TUBGCP5: variants seen among roughly 807,000 people sequenced by gnomAD.
The protein encoded by TUBGCP5 is tubulin gamma complex component 5.
In TUBGCP5, 98 loss-of-function variants were observed where a neutral mutation model predicts 134.7. That is an observed-to-expected ratio of 0.73 (90% confidence interval 0.62 to 0.86). The LOEUF (loss-of-function observed/expected upper bound fraction) is 0.86, where lower values mean the gene tolerates loss of function less well. TUBGCP5 is among the 40% of genes least tolerant of loss of function. TUBGCP5 has a pLI of 0.00. For synonymous variants in TUBGCP5, 456 were observed against 431.4 expected (o/e 1.06, Z -0.71); for missense variants, 1,150 against 1,244.8 (o/e 0.92, Z 1.15).
intron 6 of TUBGCP5, 92 bp downstream of exon 6, chr15:23,030,793 A>C: frequency 6.7e-7 from 1 of 1,490,406 alleles, no homozygotes; most frequent in Non-Finnish European, 9.1e-7. Flanking sequence ...CTTAGCCAAT[A>C]CCTTGATTAC....
chr15:23,000,399 C>G, intron 22 of TUBGCP5, 170 bp downstream of exon 22: 1 of 1,396,230 alleles, frequency 7.2e-7, no homozygotes, highest in Non-Finnish European at 9.3e-7. Context: ...CTCACCTCAC[C>G]GTAATGCTTA....
chr15:23,019,729 G>A (rs919796560), intron 11 of TUBGCP5, among the ~76,000 whole-genome samples: 1 of 151,848 alleles, frequency 6.6e-6, no homozygotes, highest in Non-Finnish European at 1.5e-5. Context: ...TCTGGCAGGT[G>A]GAGGCTGCAA....
intron 13 of TUBGCP5, among the ~76,000 whole-genome samples, chr15:23,016,820 C>T (rs113040026): frequency 0.012 from 1,811 of 151,696 alleles, 11 homozygotes; most frequent in African/African-American, 0.025. Context: ...TATAGCAATC[C>T]CACTGGTGGG....
chr15:23,025,325 G>T (rs778124933), intron 8 of TUBGCP5, among the ~76,000 whole-genome samples: 1 of 152,198 alleles, frequency 6.6e-6, no homozygotes, highest in Non-Finnish European at 1.5e-5. Flanking sequence ...TCATCTTAGA[G>T]AAGTCTAAAA....
In TUBGCP5 at chr15:23,013,562, C is replaced by T. The variant is rs2065158513; in HGVS notation, c.1757-2231G>A. 6.6e-6 allele frequency among the ~76,000 whole-genome samples: 1 copy of T among 152,178 alleles called. No homozygotes were observed. The highest frequency in any genetic ancestry group is 2.1e-4 in the South Asian group (1 of 4,836). Reference sequence around the variant, plus strand: ...GCAGTGTGGAGGCTTCCAGCCTCTGCAGCTTCGCAGAACAGGCTGGTCTGG... The same window carrying T: ...GCAGTGTGGAGGCTTCCAGCCTCTGTAGCTTCGCAGAACAGGCTGGTCTGG... On this transcript the variant is annotated intron_variant, in intron 13 of 22. Coordinates refer to ENST00000615383, the MANE Select transcript of TUBGCP5 (RefSeq NM_052903.6). The surrounding 1 kb of genome is among the most constrained non-coding windows in gnomAD (Gnocchi z 4.5).
intron 21 of TUBGCP5, 70 bp downstream of exon 21, chr15:23,002,995 G>A: frequency 1.4e-5 from 21 of 1,500,676 alleles, no homozygotes; most frequent in Non-Finnish European, 1.9e-5. Flanking sequence ...GGAAGACCCT[G>A]TCTCTAAAAA....
In TUBGCP5 at chr15:23,008,694, T is replaced by C. The variant is rs575645758; in HGVS notation, c.2327+5A>G. 1.4e-5 allele frequency: 23 copies of C among 1,605,734 alleles called. No homozygotes were observed. Among genetic ancestry groups the C allele is most frequent in the Non-Finnish European group, 1.9e-5 (22 of 1,178,194 alleles). ...ATTTAAATAAAGGTGGCGTCCATAT[T>C]TTACCGTGAACTATCTTCAGGATAA... On this transcript the variant is annotated splice_donor_5th_base_variant and intron_variant, in intron 16 of 22. Coordinates refer to ENST00000615383, the MANE Select transcript of TUBGCP5 (RefSeq NM_052903.6).
downstream of TUBGCP5, among the ~76,000 whole-genome samples, chr15:22,994,297 C>T (rs975428960): frequency 1.3e-4 from 19 of 151,960 alleles, no homozygotes; most frequent in African/African-American, 4.3e-4. Flanking sequence ...ACCATATTGG[C>T]CAGGTTGGTC....
chr15:23,008,949 A>G (rs2064877619), intron 15 of TUBGCP5, 68 bp from the exon 16 acceptor site: 1 of 1,367,550 alleles, frequency 7.3e-7, no homozygotes, highest in Non-Finnish European at 9.8e-7. Flanking sequence ...TGGATCAACA[A>G]CAGGTTTTGT....
At chr15:22,994,924 G>C (rs750611290), downstream of TUBGCP5, among the ~76,000 whole-genome samples, 5 of 151,994 alleles carry the variant, frequency 3.3e-5, no homozygotes, top group Non-Finnish European at 7.4e-5. Flanking sequence ...GACCACCCTG[G>C]GCAACATAGC....
intron 3 of TUBGCP5, among the ~76,000 whole-genome samples, chr15:23,035,777 G>A (rs999720702): frequency 1.8e-4 from 27 of 152,140 alleles, no homozygotes; most frequent in Non-Finnish European, 5.9e-5. Flanking sequence ...CCTTGTGTAA[G>A]TGGGTGGGGG....
At chr15:23,023,912 G>A (rs776512896) in intron 10 of TUBGCP5, 35 bp downstream of exon 10, 40 of 1,601,774 alleles carry the variant, frequency 2.5e-5, no homozygotes, top group Non-Finnish European at 3.2e-5. Flanking sequence ...TATGAGTTAC[G>A]TGTAGTATGA....
chr15:22,988,652 C>G (rs554850128), intron 23 of TUBGCP5, among the ~76,000 whole-genome samples: 1 of 149,734 alleles, frequency 6.7e-6, no homozygotes, highest in African/African-American at 2.5e-5. Flanking sequence ...AGGAGAATGG[C>G]GTGAACCTAG....
intron 19 of TUBGCP5, 133 bp downstream of exon 19, chr15:23,005,299 G>C: frequency 1.0e-6 from 1 of 1,000,098 alleles, no homozygotes; most frequent in Non-Finnish European, 1.4e-6. Context: ...GTTATTTTAT[G>C]ATCAAATTTG....
chr15:23,031,850 T>G, intron 5 of TUBGCP5, 100 bp downstream of exon 5: 1 of 778,520 alleles, frequency 1.3e-6, no homozygotes, highest in South Asian at 2.2e-5. Flanking sequence ...AGAGTGTTCC[T>G]GTTTTAGCTA....
intron 8 of TUBGCP5, 56 bp downstream of exon 8, chr15:23,026,060 T>C (rs2065963705): frequency 1.4e-6 from 2 of 1,429,666 alleles, no homozygotes; most frequent in African/African-American, 1.5e-5. Context: ...ATAAAAGTTT[T>C]TGCTTCTCAG....
At chr15:23,019,092 C>T (rs1290208259) in intron 12 of TUBGCP5, 127 bp downstream of exon 12, 5 of 576,526 alleles carry the variant, frequency 8.7e-6, no homozygotes, top group Non-Finnish European at 1.5e-5. Flanking sequence ...CCTATGATGA[C>T]GACAAGTTCT....
In TUBGCP5 at chr15:23,008,771, C is replaced by G. The variant is rs142203053; in HGVS notation, c.2255G>C (p.Trp752Ser). 5.6e-6 allele frequency: 9 copies of G among 1,608,432 alleles called. No individual in the cohort carries two copies. Among genetic ancestry groups the G allele is most frequent in the Non-Finnish European group, 7.6e-6 (9 of 1,178,754 alleles). Reference protein sequence around the residue: ...IFDKIREKETWQNVSFLNVQL... With the variant: ...IFDKIREKETSQNVSFLNVQL... ...GACATTAAGAAAAGACACATTCTGC[C>G]ATGTTTCCTTTTCTCTTATTTTATC... The change falls in exon 16 of 23, where the codon TGG becomes TCG. Residue 752 changes from tryptophan to serine, a missense_variant. Coordinates refer to ENST00000615383, the MANE Select transcript of TUBGCP5 (RefSeq NM_052903.6).
downstream of TUBGCP5, among the ~76,000 whole-genome samples, chr15:22,996,357 G>A (rs538536842): frequency 6.6e-6 from 1 of 152,038 alleles, no homozygotes; most frequent in Admixed American, 6.6e-5. Context: ...TAAAAAAAAT[G>A]TCTTGGGCTG....
Sources: allele counts gnomAD v4.1 joint callset (sites outside exome capture counted in the v4.1 genomes callset), GRCh38; gene constraint gnomAD v4.1.1; non-coding constraint Gnocchi (gnomAD v3.1); transcripts MANE v1.5; gene names NCBI Gene and HGNC (gene_info 2026-07-23, HGNC 2026-07-21).